The following KANK3 variants were observed in gnomAD, a reference collection of about 807,000 sequenced individuals.
The protein encoded by KANK3 is KN motif and ankyrin repeat domains 3.
KANK3 carries 61 observed loss-of-function variants against 65.4 expected under a neutral mutation model. The observed-to-expected ratio is 0.93, with a 90% CI of 0.76 to 1.15. The LOEUF (loss-of-function observed/expected upper bound fraction) is 1.15, where lower values mean the gene tolerates loss of function less well. Ranked by LOEUF, KANK3 falls within the 50% of genes most tolerant of loss-of-function variation. KANK3 has a pLI of 0.00. For missense variants in KANK3, 1,187 were observed against 1,178.8 expected, an observed-to-expected ratio of 1.01 and a Z score of -0.10; for synonymous variants, 586 against 543.3, an observed-to-expected ratio of 1.08 and a Z score of -1.09.
At position 8,335,305 on chromosome 19, in the gene KANK3, G is replaced by A. The variant is rs908843488; in HGVS notation, c.522C>T (p.Ala174=). ...GTTGGGCAGGGCCGGGCGAAGCAGG[G>A]GCAAGGTTAGGGGCGGGGCTGCTGC... The part of the protein sequence containing the change: ...SGRSSPAPNL[A]PASPGPAQLQ... The change falls in exon 3 of 11, where the codon GCC becomes GCT. Residue 174 remains alanine (A), a synonymous_variant. Coordinates refer to ENST00000330915, the MANE Select transcript of KANK3 (RefSeq NM_198471.3). 4 of 1,204,654 alleles carry A rather than the reference G, an allele frequency of 3.3e-6. No homozygotes were observed. Among genetic ancestry groups the A allele is most frequent in the African/African-American group, 3.2e-5 (2 of 62,678 alleles). 74.6% of individuals were successfully genotyped at this position (1,204,654 alleles called of 1,614,324 possible).
intron 1 of KANK3, among the ~76,000 whole-genome samples, chr19:8,340,319 CAG>C (rs1970709789): frequency 6.8e-6 from 1 of 148,052 alleles, no homozygotes; most frequent in African/African-American, 2.6e-5. Flanking sequence ...CACACACACA[CAG>C]CCCCCATACA....
intron 7 of KANK3, among the ~76,000 whole-genome samples, chr19:8,328,238 C>G (rs1298341841): frequency 1.3e-5 from 2 of 152,046 alleles, no homozygotes; most frequent in Non-Finnish European, 2.9e-5. Context: ...CATGGTGAAA[C>G]CCCATGCCTA....
At chr19:8,339,462 T>A (rs1012361001) in intron 1 of KANK3, among the ~76,000 whole-genome samples, 2 of 150,560 alleles carry the variant, frequency 1.3e-5, no homozygotes, top group Non-Finnish European at 2.9e-5. Flanking sequence ...TGGGTTCAAG[T>A]GATTCTCCTG....
At chr19:8,331,666 C>CA (rs962830991) in intron 7 of KANK3, among the ~76,000 whole-genome samples, 2 of 152,146 alleles carry the variant, frequency 1.3e-5, no homozygotes, top group Non-Finnish European at 2.9e-5. Context: ...CACAGTGCCC[C>CA]ATCCCAGGAG....
At chr19:8,326,270 AAC>A (rs1007805634) in intron 7 of KANK3, among the ~76,000 whole-genome samples, 3 of 152,194 alleles carry the variant, frequency 2.0e-5, no homozygotes, top group East Asian at 1.9e-4. Flanking sequence ...CTCTACTAAA[AAC>A]ACAAAAAATA....
chr19:8,329,492 CAAAAAAAAAAAAA>C (rs59607185), intron 7 of KANK3, among the ~76,000 whole-genome samples: 15 of 51,124 alleles, frequency 2.9e-4, no homozygotes, highest in South Asian at 1.0e-3. Context: ...GACTCGGCCT[CAAAAAAAAAAAAA>C]AAAAAAAAAA....
intron 7 of KANK3, among the ~76,000 whole-genome samples, chr19:8,326,643 A>AAAC (rs1970434119): frequency 6.6e-6 from 1 of 151,160 alleles, no homozygotes; most frequent in South Asian, 2.1e-4. Context: ...AAAAAAAAAA[A>AAAC]AAAATTAGTC....
rs558970931 is a variant in KANK3, at chr19:8,328,908, G to A, written c.1937-3812C>T. Among the ~76,000 whole-genome samples the A allele has an allele frequency of 2.8e-4, 42 of 152,138 alleles. 1 individual carries two copies. The highest frequency in any genetic ancestry group is 1.2e-3 in the Admixed American group (18 of 15,244). ...AAGTGGGCCGAGCGCGGTGGCTCAC[G>A]CCTGTAGTCCCAGCACTTTGGGAGG... On this transcript the variant is annotated intron_variant, in intron 7 of 10. Coordinates refer to ENST00000330915, the MANE Select transcript of KANK3 (RefSeq NM_198471.3).
intron 7 of KANK3, among the ~76,000 whole-genome samples, chr19:8,330,233 CAGCA>C (rs1970500077): frequency 1.3e-5 from 2 of 152,098 alleles, no homozygotes; most frequent in Non-Finnish European, 2.9e-5. Flanking sequence ...GTGTATGTGA[CAGCA>C]AGCAAGTACA....
chr19:8,333,463 T>C lies in KANK3; in HGVS notation c.1720-233A>G, dbSNP rs1015379605. The stretch of plus-strand genomic sequence containing the variant: ...GGGGTCCTTTCCTTCCAGGGAAGAA[T>C]TTGCGGGAGAACATGGAACGGGGAA... On this transcript the variant is annotated intron_variant, in intron 6 of 10. Coordinates refer to ENST00000330915, the MANE Select transcript of KANK3 (RefSeq NM_198471.3). The surrounding 1 kb of genome is among the most constrained non-coding windows in gnomAD (Gnocchi z 5.0). Among the ~76,000 whole-genome samples the C allele has an allele frequency of 6.6e-6, 1 of 152,062 alleles. No homozygotes were observed. The highest frequency in any genetic ancestry group is 1.5e-5 in the Non-Finnish European group (1 of 68,000).
chr19:8,339,363 T>TG (rs1200222296), intron 1 of KANK3, among the ~76,000 whole-genome samples: 1 of 119,156 alleles, frequency 8.4e-6, no homozygotes, highest in African/African-American at 2.9e-5. Flanking sequence ...CTCTTTTTGT[T>TG]TTTTTTTTTT....
chr19:8,335,092 G>A lies in KANK3; in HGVS notation c.735C>T (p.Ala245=). The change falls in exon 3 of 11, where the codon GCC becomes GCT. Residue 245 remains alanine, a synonymous_variant. Coordinates refer to ENST00000330915, the MANE Select transcript of KANK3 (RefSeq NM_198471.3). ...GEAETRPDKL[A]QLRRLTERLA... ...GGCGCTCGGTGAGCCGCCGCAGCTG[G>A]GCGAGCTTGTCCGGGCGCGTCTCAG... 7.7e-7 allele frequency: 1 copy of A among 1,303,320 alleles called. No homozygotes were observed. The highest frequency in any genetic ancestry group is 9.7e-7 in the Non-Finnish European group (1 of 1,030,560). 80.7% of individuals were successfully genotyped at this position (1,303,320 alleles called of 1,614,324 possible). A position where few individuals can be genotyped will look rare whatever the true frequency, so the allele number is the denominator to read the frequency against.
chr19:8,325,285 T>C (rs1433769355), intron 7 of KANK3, among the ~76,000 whole-genome samples, 189 bp from the exon 8 acceptor site: 1 of 144,062 alleles, frequency 6.9e-6, no homozygotes, highest in Non-Finnish European at 1.5e-5. Context: ...TGAAGGACCT[T>C]CCTGTTTCAT....
Position 8,325,011 on chromosome 19 carries a change from CT to C in KANK3, c.2021del (p.Glu674GlyfsTer49), listed in dbSNP as rs746405172. The C allele has an allele frequency of 7.2e-6, 9 of 1,246,174 alleles. No individual in the cohort carries two copies. The African/African-American group carries it at 2.0e-4, about 27-fold the overall frequency. 77.2% of individuals were successfully genotyped at this position (1,246,174 alleles called of 1,614,324 possible). A position where few individuals can be genotyped will look rare whatever the true frequency, so the allele number is the denominator to read the frequency against. On this transcript the variant is annotated frameshift_variant, in exon 8 of 11. Coordinates refer to ENST00000330915, the MANE Select transcript of KANK3 (RefSeq NM_198471.3). LOFTEE classifies it high-confidence loss of function. ...AALTSVRQEE[E>X]DMAVVQRLFC... The stretch of plus-strand genomic sequence containing the variant: ...AGAGTCTCTGGACCACAGCCATGTC[CT>C]CCTCTTCCTGCCTCACAGAGGTGAG...
At chr19:8,338,527 C>T (rs1970679355) in intron 1 of KANK3, among the ~76,000 whole-genome samples, 1 of 152,052 alleles carries the variant, frequency 6.6e-6, no homozygotes, top group Admixed American at 6.6e-5. Context: ...ATGTAGTGGA[C>T]TATGAGCCTT....
chr19:8,333,794 G>A lies in KANK3; in HGVS notation c.1649C>T (p.Pro550Leu), dbSNP rs760077076. The A allele has an allele frequency of 3.3e-6, 5 of 1,527,848 alleles. No individual in the cohort carries two copies. Among genetic ancestry groups the A allele is most frequent in the Non-Finnish European group, 3.5e-6 (4 of 1,134,526 alleles). 94.6% of individuals were successfully genotyped at this position (1,527,848 alleles called of 1,614,324 possible). ...CGCTACGCACGCCTCCCTCAGACGC[G>A]GGCTCAGCTCGCACCTGCAGAGGAG... ...QVAQGRCELS[P>L]RLREACVALQ... Residue 550 changes from proline to leucine, a missense_variant, in exon 6 of 11, where the codon CCG becomes CTG. Pro to Leu is a moderately conservative substitution (Grantham distance 98). Around this residue, in one of 3 missense-constraint regions of KANK3, gnomAD observed 1,078 missense variants for 1,038.2 expected, o/e 1.04. Coordinates refer to ENST00000330915, the MANE Select transcript of KANK3 (RefSeq NM_198471.3). The surrounding 1 kb of genome is among the most constrained non-coding windows in gnomAD (Gnocchi z 5.0).
At chr19:8,332,441 G>T (rs893778080) in intron 7 of KANK3, among the ~76,000 whole-genome samples, 1 of 151,342 alleles carries the variant, frequency 6.6e-6, no homozygotes, top group South Asian at 2.1e-4. Context: ...GCCTCCCAAA[G>T]TGCTGGGGTT....
In KANK3 at chr19:8,329,882, C is replaced by T. The variant is rs186173854; in HGVS notation, c.1936+3132G>A. Among the ~76,000 whole-genome samples the T allele has an allele frequency of 2.6e-5, 4 of 152,316 alleles. No homozygotes were observed. The East Asian group carries it at 5.8e-4, about 22-fold the overall frequency. ...AGTATTCTACCTTACCAGACTCAGG[C>T]AGGTAGGAAAAGCACATTCCTAGGT... On this transcript the variant is annotated intron_variant, in intron 7 of 10. Coordinates refer to ENST00000330915, the MANE Select transcript of KANK3 (RefSeq NM_198471.3).
In KANK3 at chr19:8,333,964, A is replaced by G; in HGVS notation, c.1580T>C (p.Ile527Thr). Residue 527 changes from isoleucine (I) to threonine (T), a missense_variant, in exon 5 of 11, where the codon ATC (isoleucine) becomes ACC (threonine). This residue lies in a region of KANK3 where 1,078 missense variants were observed against 1,038.2 expected (regional missense o/e 1.04). Transcript: ENST00000330915. This position sits in a 1 kb window ranked among gnomAD's most constrained non-coding sequence, Gnocchi z 5.0. ...CTCCGCCTCGGGCTCAGGGTCCCGG[A>G]TGTCCCCGCCGCTGGGAGGGCCAGG... ...GTPGPPSGGD[I>T]RDPEPEAEAE... 6.4e-7 allele frequency: 1 copy of G among 1,562,078 alleles called. No homozygotes were observed.
Sources: gnomAD v4.1 joint callset for allele counts (sites outside exome capture counted in the v4.1 genomes callset) on GRCh38, gnomAD v4.1.1 for gene constraint, gnomAD v4.1.1 regional missense constraint, Gnocchi (gnomAD v3.1) non-coding constraint, MANE v1.5 for transcripts, NCBI Gene and HGNC (gene_info 2026-07-23, HGNC 2026-07-21) for gene names.